Variants in GNAQ observed in about 807,000 individuals in gnomAD.
GNAQ encodes G protein subunit alpha q, also known as guanine nucleotide-binding protein G(q) subunit alpha.
GNAQ carries 8 observed loss-of-function variants against 43.9 expected under a neutral mutation model. The ratio of observed to expected loss-of-function variants is 0.18; its 90% CI spans 0.11 to 0.33. The LOEUF is 0.33. Among genes scored for constraint, GNAQ ranks in the 10% least tolerant of loss-of-function variants. GNAQ has a pLI of 1.00. For missense variants in GNAQ, 158 were observed against 450.8 expected (o/e 0.35, Z 5.88); for synonymous variants, 155 against 170.7 (o/e 0.91, Z 0.71).
At chr9:77,737,634 T>A (rs903666906) in intron 5 of GNAQ, among the ~76,000 whole-genome samples, 1 of 152,174 alleles carries the variant, frequency 6.6e-6, no homozygotes, top group Admixed American at 6.5e-5. Flanking sequence ...CCCATTCACA[T>A]AAAACAATAT....
At chr9:77,746,010 A>G (rs890990135) in intron 5 of GNAQ, among the ~76,000 whole-genome samples, 6 of 152,174 alleles carry the variant, frequency 3.9e-5, no homozygotes, top group Non-Finnish European at 5.9e-5. Context: ...AAAACTTTTC[A>G]TAGAAAATAG....
chr9:77,808,894 CA>C (rs1274421595), intron 3 of GNAQ, among the ~76,000 whole-genome samples: 5 of 151,220 alleles, frequency 3.3e-5, no homozygotes, highest in African/African-American at 1.2e-4. Flanking sequence ...CAAAACAAAA[CA>C]AAAAAAACTA....
intron 5 of GNAQ, among the ~76,000 whole-genome samples, chr9:77,770,903 A>G (rs1308400805): frequency 6.6e-6 from 1 of 152,168 alleles, no homozygotes; most frequent in Non-Finnish European, 1.5e-5. Flanking sequence ...TTTTCAGATC[A>G]TGAAAAATAA....
intron 5 of GNAQ, among the ~76,000 whole-genome samples, chr9:77,751,897 T>C (rs1825819171): frequency 2.6e-5 from 4 of 152,172 alleles, no homozygotes. Flanking sequence ...ACAGGAACAG[T>C]GGCCCTGCCA....
chr9:77,749,092 C>T (rs960921794), intron 5 of GNAQ, among the ~76,000 whole-genome samples: 2 of 152,184 alleles, frequency 1.3e-5, no homozygotes, highest in East Asian at 1.9e-4. Context: ...CCCATGTTCT[C>T]GACCTTAGCA....
chr9:77,906,095 A>AG (rs1473781109), intron 2 of GNAQ, among the ~76,000 whole-genome samples: 1 of 151,416 alleles, frequency 6.6e-6, no homozygotes, highest in Non-Finnish European at 1.5e-5. Flanking sequence ...CTTAAAGTTA[A>AG]AAAAAAAATA....
chr9:77,868,384 T>C (rs934560759), intron 2 of GNAQ, among the ~76,000 whole-genome samples: 2 of 152,204 alleles, frequency 1.3e-5, no homozygotes, highest in African/African-American at 2.4e-5. Context: ...TATTTAATGA[T>C]CTGTGGCATG....
At chr9:77,763,125 T>TAAAAAAA (rs1826078413) in intron 5 of GNAQ, among the ~76,000 whole-genome samples, 1 of 133,916 alleles carries the variant, frequency 7.5e-6, no homozygotes. Flanking sequence ...AACAAAAAAA[T>TAAAAAAA]AAACAAACAA....
intron 1 of GNAQ, among the ~76,000 whole-genome samples, chr9:77,940,202 G>A (rs1473748576): frequency 6.6e-6 from 1 of 152,124 alleles, no homozygotes; most frequent in African/African-American, 2.4e-5. Context: ...AATATTAGCA[G>A]TAGTACACAG....
chr9:77,722,877 C>T (rs1825338619), intron 6 of GNAQ, among the ~76,000 whole-genome samples: 2 of 152,108 alleles, frequency 1.3e-5, no homozygotes, highest in South Asian at 4.1e-4. Flanking sequence ...CTTCTGGCCT[C>T]AAGCAGTCCT....
intron 5 of GNAQ, among the ~76,000 whole-genome samples, chr9:77,767,567 C>T (rs1344682764): frequency 1.3e-5 from 2 of 152,186 alleles, no homozygotes; most frequent in African/African-American, 2.4e-5. Flanking sequence ...AGACTAAGCA[C>T]TTGAAAGTGC....
chr9:77,903,638 G>A (rs1828650295), intron 2 of GNAQ, among the ~76,000 whole-genome samples: 1 of 152,108 alleles, frequency 6.6e-6, no homozygotes, highest in African/African-American at 2.4e-5. Flanking sequence ...GAAGCTGAGA[G>A]TAAAAAGGGT....
intron 2 of GNAQ, among the ~76,000 whole-genome samples, chr9:77,829,514 G>A (rs1014709739): frequency 6.6e-6 from 1 of 152,186 alleles, no homozygotes; most frequent in Admixed American, 6.5e-5. Flanking sequence ...TGAGAAAAGT[G>A]TTATTTAGTG....
chr9:77,819,317 G>A (rs913422147), intron 2 of GNAQ, among the ~76,000 whole-genome samples: 2 of 152,108 alleles, frequency 1.3e-5, no homozygotes, highest in Admixed American at 6.5e-5. Flanking sequence ...TAAAATTCAG[G>A]TAAATCTTCG....
chr9:77,837,061 T>C (rs1451526244), intron 2 of GNAQ, among the ~76,000 whole-genome samples: 1 of 152,214 alleles, frequency 6.6e-6, no homozygotes, highest in Non-Finnish European at 1.5e-5. Context: ...TAAATGGACA[T>C]ATGAAATTCA....
rs1379783833 is a variant in GNAQ at position 78,031,702 on chromosome 9, G to C, written c.-467C>G. Among the ~76,000 whole-genome samples, 2 of 147,342 alleles carry C rather than the reference G, an allele frequency of 1.4e-5. No individual in the cohort carries two copies. The highest frequency in any genetic ancestry group is 3.0e-5 in the Non-Finnish European group (2 of 66,204). ...CGGCCGCCGACGGCTCCCCGCGCCC[G>C]GCGCGCCCGCTCCTCGCCGCCGCCT... On this transcript the variant is annotated 5_prime_UTR_variant, in exon 1 of 7. Coordinates refer to ENST00000286548, the MANE Select transcript of GNAQ (RefSeq NM_002072.5).
chr9:77,750,415 AT>A (rs1297781490), intron 5 of GNAQ, among the ~76,000 whole-genome samples: 1 of 152,190 alleles, frequency 6.6e-6, no homozygotes, highest in Non-Finnish European at 1.5e-5. Flanking sequence ...TAATAAGAAC[AT>A]TTTAAATGTA....
intron 5 of GNAQ, among the ~76,000 whole-genome samples, chr9:77,737,700 A>G (rs2118248399): frequency 6.6e-6 from 1 of 152,330 alleles, no homozygotes; most frequent in South Asian, 2.1e-4. Context: ...AGTCATCAAA[A>G]GAGCCAAGGA....
chr9:77,862,639 AG>A, intron 2 of GNAQ, among the ~76,000 whole-genome samples: 1 of 152,172 alleles, frequency 6.6e-6, no homozygotes, highest in African/African-American at 2.4e-5. Context: ...GTTATAGGAG[AG>A]GGTGCTGAAA....
Sources: gnomAD v4.1 joint callset for allele counts (sites outside exome capture counted in the v4.1 genomes callset) on GRCh38, gnomAD v4.1.1 for gene constraint, MANE v1.5 for transcripts, NCBI Gene and HGNC (gene_info 2026-07-23, HGNC 2026-07-21) for gene names.